TSPAN18: variants seen among roughly 807,000 people sequenced by gnomAD.
TSPAN18 encodes tetraspanin-18.
In TSPAN18, 14 loss-of-function variants were observed where a neutral mutation model predicts 27.3. That is an observed-to-expected ratio of 0.51 (90% CI 0.34 to 0.80). The LOEUF (loss-of-function observed/expected upper bound fraction) is 0.80. Among genes scored for constraint, TSPAN18 ranks in the 30% least tolerant of loss-of-function variants. TSPAN18 has a pLI of 0.01. For missense variants in TSPAN18, 268 were observed against 323.9 expected (o/e 0.83, Z 1.32); for synonymous variants, 143 against 136.5 (o/e 1.05, Z -0.33).
At chr11:44,851,761 G>A (rs114083675) in intron 2 of TSPAN18, among the ~76,000 whole-genome samples, 1,726 of 152,216 alleles carry the variant, frequency 0.011, 38 homozygotes, top group African/African-American at 0.039. Context: ...TCTGCTTAGA[G>A]CACCTTTCTT....
At chr11:44,762,740 G>C (rs1855482742) in intron 1 of TSPAN18, among the ~76,000 whole-genome samples, 2 of 152,058 alleles carry the variant, frequency 1.3e-5, no homozygotes. Flanking sequence ...ACACTGCCTG[G>C]ATGGACATTT....
intron 3 of TSPAN18, among the ~76,000 whole-genome samples, chr11:44,897,131 A>G (rs1205681113): frequency 1.3e-5 from 2 of 152,166 alleles, no homozygotes; most frequent in Admixed American, 6.5e-5. Context: ...TTTGAGCAGG[A>G]GCTGGCTGTG....
intron 4 of TSPAN18, among the ~76,000 whole-genome samples, chr11:44,908,779 G>GGAAAGGAAAGA (rs1859572545): frequency 9.5e-6 from 1 of 105,786 alleles, no homozygotes; most frequent in Admixed American, 9.7e-5. Flanking sequence ...GAGAAAGAAA[G>GGAAAGGAAAGA]AAAGAAAGAA....
chr11:44,921,123 TTC>T (rs1407310599), intron 8 of TSPAN18, among the ~76,000 whole-genome samples: 1 of 152,162 alleles, frequency 6.6e-6, no homozygotes, highest in African/African-American at 2.4e-5. Flanking sequence ...GAGGGCCACG[TTC>T]TCTCTGTCCC....
At chr11:44,844,246 A>AT (rs1423361230) in intron 2 of TSPAN18, among the ~76,000 whole-genome samples, 1 of 151,198 alleles carries the variant, frequency 6.6e-6, no homozygotes, top group Admixed American at 6.6e-5. Context: ...ACAACTTATC[A>AT]TTTTTTCTGT....
At chr11:44,826,582 C>T (rs975327153) in intron 2 of TSPAN18, among the ~76,000 whole-genome samples, 1 of 152,226 alleles carries the variant, frequency 6.6e-6, no homozygotes, top group Non-Finnish European at 1.5e-5. Context: ...CCTGGCTCAT[C>T]TTGTCTCACC....
chr11:44,734,492 A>G (rs1380017848), intron 1 of TSPAN18, among the ~76,000 whole-genome samples: 1 of 152,176 alleles, frequency 6.6e-6, no homozygotes, highest in Non-Finnish European at 1.5e-5. Flanking sequence ...TCGTGTTTGC[A>G]CCTCTTCTCT....
intron 2 of TSPAN18, among the ~76,000 whole-genome samples, chr11:44,830,276 C>T (rs1032866388): frequency 1.3e-5 from 2 of 152,230 alleles, no homozygotes; most frequent in African/African-American, 4.8e-5. Context: ...TCTCTCGTCC[C>T]ACTCTATCTA....
chr11:44,753,928 A>G lies in TSPAN18; in HGVS notation c.-239-10498A>G, dbSNP rs1185621496. On this transcript the variant is annotated intron_variant, in intron 1 of 9. Coordinates refer to ENST00000520358, the MANE Select transcript of TSPAN18 (RefSeq NM_130783.5). ...ACACACTTAGTCTAGAAAACCAGTC[A>G]TGCGTCTTTTCACTAGGACTCCCTT... is the stretch of plus-strand genomic sequence containing the variant. 2.0e-5 allele frequency among the ~76,000 whole-genome samples: 3 copies of G among 152,194 alleles called. No homozygotes were observed. In the South Asian group the frequency reaches 6.2e-4, roughly 31 times the overall value.
chr11:44,846,498 A>T (rs2135177723), intron 2 of TSPAN18, among the ~76,000 whole-genome samples: 1 of 152,342 alleles, frequency 6.6e-6, no homozygotes, highest in African/African-American at 2.4e-5. Context: ...GGGACACCTC[A>T]GGGATCAGAA....
rs569796283 is a variant in TSPAN18, at chr11:44,771,949, A to C, written c.-153+7437A>C. 6.6e-5 allele frequency among the ~76,000 whole-genome samples: 10 copies of C among 152,346 alleles called. No homozygotes were observed. The South Asian group carries it at 2.1e-3, about 32-fold the overall frequency. On this transcript the variant is annotated intron_variant, in intron 2 of 9. Transcript: ENST00000520358. ...GAAGAATTGGCTCATGTGAGTATAG[A>C]GGCCGAGAAATCCTGAGATCAGCAC...
chr11:44,908,819 G>GAAAGAAAGA, intron 4 of TSPAN18, among the ~76,000 whole-genome samples: 1 of 116,528 alleles, frequency 8.6e-6, no homozygotes, highest in South Asian at 2.7e-4. Context: ...AAGAAAGAAA[G>GAAAGAAAGA]AAAGAAAGAA....
intron 2 of TSPAN18, among the ~76,000 whole-genome samples, chr11:44,778,562 C>A (rs1403361293): frequency 6.6e-6 from 1 of 152,046 alleles, no homozygotes; most frequent in Non-Finnish European, 1.5e-5. Flanking sequence ...TGGAGGAAAT[C>A]TCTTTGTGTC....
At chr11:44,730,571 C>G (rs547481146) in intron 1 of TSPAN18, among the ~76,000 whole-genome samples, 25 of 152,104 alleles carry the variant, frequency 1.6e-4, no homozygotes, top group Non-Finnish European at 3.1e-4. Context: ...GGGCTGGCAC[C>G]TTGGACCTGC....
chr11:44,897,590 A>C (rs758872306), intron 3 of TSPAN18, among the ~76,000 whole-genome samples: 4 of 152,196 alleles, frequency 2.6e-5, no homozygotes, highest in Admixed American at 2.0e-4. Context: ...GAGTGGCCTC[A>C]GGTGCTGAGA....
At chr11:44,751,751 G>A (rs1448325912) in intron 1 of TSPAN18, among the ~76,000 whole-genome samples, 5 of 151,826 alleles carry the variant, frequency 3.3e-5, no homozygotes, top group Non-Finnish European at 1.5e-5. Context: ...ACGTGGTAAA[G>A]CCCCATCTCT....
At chr11:44,904,071 A>T (rs1286970514) in intron 3 of TSPAN18, among the ~76,000 whole-genome samples, 2 of 152,182 alleles carry the variant, frequency 1.3e-5, no homozygotes, top group Admixed American at 1.3e-4. Context: ...AACACAATTT[A>T]AGAGAAACCC....
At chr11:44,905,217 G>GAGT (rs1325317474) in intron 3 of TSPAN18, among the ~76,000 whole-genome samples, 1 of 152,162 alleles carries the variant, frequency 6.6e-6, no homozygotes, top group Non-Finnish European at 1.5e-5. Context: ...GAAGAAGATA[G>GAGT]AGTACAGCCA....
intron 2 of TSPAN18, among the ~76,000 whole-genome samples, chr11:44,811,125 A>C (rs1301133593): frequency 7.0e-6 from 1 of 142,486 alleles, no homozygotes; most frequent in African/African-American, 2.7e-5. Context: ...CTGGAGTTTT[A>C]ACACACACAC....
Sources: allele counts gnomAD v4.1 joint callset (sites outside exome capture counted in the v4.1 genomes callset), GRCh38; gene constraint gnomAD v4.1.1; transcripts MANE v1.5; gene names NCBI Gene and HGNC (gene_info 2026-07-23, HGNC 2026-07-21).